The following DNER variants were observed in gnomAD, a reference collection of about 807,000 sequenced individuals.
The protein encoded by DNER is delta and Notch-like epidermal growth factor-related receptor.
Under a neutral mutation model 78.2 loss-of-function variants are expected in DNER, and 33 were observed. That is an observed-to-expected ratio of 0.42 (90% CI 0.32 to 0.56). DNER has a LOEUF of 0.56. Among genes scored for constraint, DNER ranks in the 20% least tolerant of loss-of-function variants. The pLI, the probability that DNER is intolerant of heterozygous loss-of-function variation, is 0.11. For missense variants in DNER, 918 were observed against 975.3 expected (o/e 0.94, Z 0.78); for synonymous variants, 417 against 384.8 (o/e 1.08, Z -0.98).
At chr2:229,559,247 G>A (rs947009637) in intron 4 of DNER, among the ~76,000 whole-genome samples, 2 of 152,090 alleles carry the variant, frequency 1.3e-5, no homozygotes, top group African/African-American at 4.8e-5. Flanking sequence ...GAAGATTTCA[G>A]TTTCGGACTC....
chr2:229,425,144 A>G (rs1024513857), intron 8 of DNER, among the ~76,000 whole-genome samples: 7 of 152,166 alleles, frequency 4.6e-5, no homozygotes, highest in African/African-American at 1.7e-4. Flanking sequence ...AACACAGTCC[A>G]TGGGGTGACT....
chr2:229,619,851 C>A (rs144070151), intron 1 of DNER, among the ~76,000 whole-genome samples: 95 of 152,284 alleles, frequency 6.2e-4, no homozygotes, highest in African/African-American at 2.3e-3. Context: ...AAACTTACTA[C>A]AGTGATTTCT....
chr2:229,599,165 G>A (rs574762504), intron 1 of DNER, among the ~76,000 whole-genome samples: 93 of 152,206 alleles, frequency 6.1e-4, no homozygotes, highest in East Asian at 7.8e-4. Context: ...CAGGGGACTC[G>A]TGATACTTAC....
chr2:229,566,425 G>A (rs1014802337), intron 4 of DNER, among the ~76,000 whole-genome samples: 5 of 152,108 alleles, frequency 3.3e-5, no homozygotes, highest in African/African-American at 4.8e-5. Context: ...TGTATTTATT[G>A]CACTAAAAAT....
intron 1 of DNER, among the ~76,000 whole-genome samples, chr2:229,712,546 A>C (rs1311851691): frequency 2.0e-5 from 3 of 152,250 alleles, no homozygotes; most frequent in Admixed American, 2.0e-4. Flanking sequence ...GTGTGAATAT[A>C]ACAGCAGTTT....
chr2:229,515,341 C>G (rs1020716340), intron 5 of DNER, among the ~76,000 whole-genome samples: 3 of 152,204 alleles, frequency 2.0e-5, no homozygotes, highest in African/African-American at 7.2e-5. Flanking sequence ...TTGGAGCTCT[C>G]TGTGCATTGG....
intron 1 of DNER, among the ~76,000 whole-genome samples, chr2:229,649,525 C>T (rs1354691308): frequency 3.3e-5 from 5 of 152,204 alleles, no homozygotes; most frequent in Admixed American, 3.3e-4. Context: ...TTCTCAGCTA[C>T]CAATACGATG....
At chr2:229,511,649 C>A (rs1171842174) in intron 6 of DNER, among the ~76,000 whole-genome samples, 1 of 152,294 alleles carries the variant, frequency 6.6e-6, no homozygotes, top group African/African-American at 2.4e-5. Context: ...GATTAGGTGG[C>A]TTTTGTGGTT....
chr2:229,690,181 T>C (rs1699545681), intron 1 of DNER, among the ~76,000 whole-genome samples: 1 of 152,218 alleles, frequency 6.6e-6, no homozygotes, highest in Non-Finnish European at 1.5e-5. Flanking sequence ...CCAAAGATTC[T>C]GATGTAATAT....
chr2:229,426,811 C>G (rs1158963349), intron 8 of DNER, among the ~76,000 whole-genome samples: 1 of 152,206 alleles, frequency 6.6e-6, no homozygotes, highest in African/African-American at 2.4e-5. Flanking sequence ...GTTTTGATAA[C>G]TGCACAGGTT....
At chr2:229,699,761 C>T (rs1350078482) in intron 1 of DNER, among the ~76,000 whole-genome samples, 1 of 152,186 alleles carries the variant, frequency 6.6e-6, no homozygotes, top group African/African-American at 2.4e-5. Flanking sequence ...TGGCTTGAAT[C>T]TGCTCATTCT....
At chr2:229,666,292 C>A (rs1432867489) in intron 1 of DNER, among the ~76,000 whole-genome samples, 1 of 152,166 alleles carries the variant, frequency 6.6e-6, no homozygotes, top group Admixed American at 6.5e-5. Flanking sequence ...CACTCTAGAA[C>A]AAATCATTGG....
intron 1 of DNER, among the ~76,000 whole-genome samples, chr2:229,637,997 GA>G (rs1171476363): frequency 2.0e-5 from 3 of 152,154 alleles, no homozygotes; most frequent in Non-Finnish European, 4.4e-5. Context: ...CATATTAGTG[GA>G]AACTTGAATT....
At chr2:229,652,048 C>CA in intron 1 of DNER, among the ~76,000 whole-genome samples, 1 of 151,892 alleles carries the variant, frequency 6.6e-6, no homozygotes. Flanking sequence ...TGTAGCATTT[C>CA]AAAAAAAGGA....
chr2:229,669,280 G>A (rs1699165978), intron 1 of DNER, among the ~76,000 whole-genome samples: 1 of 151,952 alleles, frequency 6.6e-6, no homozygotes, highest in South Asian at 2.1e-4. Context: ...ACAGGTTGAT[G>A]GGTGTAGCAA....
In DNER at chr2:229,435,637, C is replaced by T. The variant is rs548608651; in HGVS notation, c.1486+11679G>A. On this transcript the variant is annotated intron_variant, in intron 8 of 12. Coordinates refer to ENST00000341772, the MANE Select transcript of DNER (RefSeq NM_139072.4). ...ATAGTACCACCAGGTACTACATATTCCTTAGTTTAGACCTACTTTAATTGG... is the reference window on the plus strand; with the variant it reads ...ATAGTACCACCAGGTACTACATATTTCTTAGTTTAGACCTACTTTAATTGG... 3.3e-5 allele frequency among the ~76,000 whole-genome samples: 5 copies of T among 152,252 alleles called. No individual in the cohort carries two copies. The South Asian group carries it at 8.3e-4, about 25-fold the overall frequency.
intron 11 of DNER, among the ~76,000 whole-genome samples, chr2:229,387,526 AG>A (rs1692909202): frequency 7.3e-6 from 1 of 136,398 alleles, no homozygotes; most frequent in African/African-American, 2.8e-5. Flanking sequence ...AAAGAAAGAA[AG>A]AAAGAAAGAA....
chr2:229,456,953 T>C (rs1694588062), intron 7 of DNER, among the ~76,000 whole-genome samples: 1 of 151,472 alleles, frequency 6.6e-6, no homozygotes, highest in South Asian at 2.1e-4. Flanking sequence ...CATCAAGCAA[T>C]AGTAAGATTG....
At chr2:229,680,652 C>T (rs983259240) in intron 1 of DNER, among the ~76,000 whole-genome samples, 3 of 152,198 alleles carry the variant, frequency 2.0e-5, no homozygotes, top group Non-Finnish European at 4.4e-5. Flanking sequence ...TTAAGCAGTG[C>T]TATGTGTTGG....
Sources: allele counts gnomAD v4.1 joint callset (sites outside exome capture counted in the v4.1 genomes callset), GRCh38; gene constraint gnomAD v4.1.1; transcripts MANE v1.5; gene names NCBI Gene and HGNC (gene_info 2026-07-23, HGNC 2026-07-21).